UBASH3A: variants seen among roughly 807,000 people sequenced by gnomAD.
The protein encoded by UBASH3A is ubiquitin-associated and SH3 domain-containing protein A.
UBASH3A carries 63 observed loss-of-function variants against 73.5 expected under a neutral mutation model. The observed-to-expected ratio is 0.86, with a 90% CI of 0.70 to 1.06. UBASH3A has a LOEUF of 1.06. UBASH3A is among the 50% of genes least tolerant of loss of function. The pLI, the probability that UBASH3A is intolerant of heterozygous loss-of-function variation, is 0.00. For missense variants in UBASH3A, 860 were observed against 859.0 expected, an observed-to-expected ratio of 1.00 and a Z score of -0.02; for synonymous variants, 363 against 351.1, an observed-to-expected ratio of 1.03 and a Z score of -0.38.
chr21:42,443,262 A>T, intron 12 of UBASH3A, 50 bp from the exon 13 acceptor site: 1 of 1,577,530 alleles, frequency 6.3e-7, no homozygotes, highest in Admixed American at 1.8e-5. Flanking sequence ...GAGCCTTCCT[A>T]ATCCCTACGA....
intron 3 of UBASH3A, chr21:42,410,310 G>A: frequency 1.7e-6 from 1 of 605,778 alleles, no homozygotes; most frequent in Non-Finnish European, 3.0e-6. Context: ...CTTAAGGAAG[G>A]GCACACCCAC....
In UBASH3A at chr21:42,434,885, C is replaced by A. The variant is rs750218016; in HGVS notation, c.1324C>A (p.Arg442Ser). 5 of 1,614,138 alleles carry A rather than the reference C, an allele frequency of 3.1e-6. No homozygotes were observed. Residue 442 changes from arginine to serine, a missense_variant, in exon 10 of 15, where the codon CGT becomes AGT. Coordinates refer to ENST00000319294, the MANE Select transcript of UBASH3A (RefSeq NM_018961.4). ...CCCCTGCAGTCTGCCAAGACGGAGT[C>A]GTGGGATCAAAGACTTTGAAAACGA... Reference protein sequence around the residue: ...NFPCSLPRRSRGIKDFENDPP... With the variant: ...NFPCSLPRRSSGIKDFENDPP...
chr21:42,428,318 G>A (rs2053474583), intron 8 of UBASH3A, among the ~76,000 whole-genome samples: 1 of 152,170 alleles, frequency 6.6e-6, no homozygotes, highest in Non-Finnish European at 1.5e-5. Context: ...GCCTTGGCAG[G>A]TCTTTGCAGC....
intron 2 of UBASH3A, among the ~76,000 whole-genome samples, chr21:42,407,819 T>A (rs2053008470): frequency 6.6e-6 from 1 of 152,248 alleles, no homozygotes; most frequent in Admixed American, 6.5e-5. Context: ...ATTGCAGGGT[T>A]ATGAAATGGT....
At position 42,443,301 on chromosome 21, in the gene UBASH3A, C is replaced by T. The variant is rs1248277069; in HGVS notation, c.1632-11C>T. The T allele has an allele frequency of 2.5e-6, 4 of 1,609,656 alleles. No individual in the cohort carries two copies. Among genetic ancestry groups the T allele is most frequent in the South Asian group, 1.1e-5 (1 of 90,270 alleles). On this transcript the variant is annotated splice_polypyrimidine_tract_variant and intron_variant, in intron 12 of 14. Transcript: ENST00000319294. ...TGCCAGGGCAGCAGCCTCTCCTTCT[C>T]ATCCTTCCAGGCCCGCGTTTCCCCT... is the stretch of plus-strand genomic sequence containing the variant.
chr21:42,404,818 G>A (rs534852724), intron 1 of UBASH3A, among the ~76,000 whole-genome samples: 13 of 152,146 alleles, frequency 8.5e-5, no homozygotes, highest in Non-Finnish European at 1.8e-4. Context: ...GTGTGAGCGC[G>A]ACCCTGCTTA....
At chr21:42,415,730 C>T (rs956816935) in intron 5 of UBASH3A, among the ~76,000 whole-genome samples, 1 of 152,228 alleles carries the variant, frequency 6.6e-6, no homozygotes, top group Non-Finnish European at 1.5e-5. Context: ...TCAAGGTCAC[C>T]CTGCAAAAGG....
Position 42,413,245 on chromosome 21 carries a change from A to C in UBASH3A, c.553+23A>C, listed in dbSNP as rs2053138123. ...CAGGTGGGCAGCCCTGGCCAGTTGC[A>C]AACACAGGGCTGGATTCACAGTGAG... is the stretch of plus-strand genomic sequence containing the variant. On this transcript the variant is annotated intron_variant, in intron 4 of 14. Transcript: ENST00000319294. This position sits in a 1 kb window ranked among gnomAD's most constrained non-coding sequence, Gnocchi z 4.5. 1.2e-6 allele frequency: 2 copies of C among 1,613,174 alleles called. No individual in the cohort carries two copies. The highest frequency in any genetic ancestry group is 1.7e-6 in the Non-Finnish European group (2 of 1,179,188).
chr21:42,443,326 T>C lies in UBASH3A; in HGVS notation c.1646T>C (p.Leu549Pro), dbSNP rs139291581. The C allele has an allele frequency of 1.2e-6, 2 of 1,613,230 alleles. No homozygotes were observed. Among genetic ancestry groups the C allele is most frequent in the African/African-American group, 1.3e-5 (1 of 74,880 alleles). ...CATCCTTCCAGGCCCGCGTTTCCCC[T>C]GTCCGCCCTCATGCCGGCCGAGAGC... ...IDTDYRPAFP[L>P]SALMPAESYQ... Residue 549 changes from leucine to proline, a missense_variant, in exon 13 of 15, where the codon CTG becomes CCG. By Grantham distance (98) the Leu-to-Pro change is moderately conservative. Transcript: ENST00000319294.
At chr21:42,430,244 C>T (rs2146565090) in intron 8 of UBASH3A, among the ~76,000 whole-genome samples, 1 of 152,330 alleles carries the variant, frequency 6.6e-6, no homozygotes, top group Non-Finnish European at 1.5e-5. Flanking sequence ...GACTGGATCA[C>T]TGTTCACAGA....
intron 7 of UBASH3A, among the ~76,000 whole-genome samples, chr21:42,419,853 T>C (rs1250133840): frequency 6.6e-6 from 1 of 152,242 alleles, no homozygotes; most frequent in African/African-American, 2.4e-5. Context: ...CACTTGATTA[T>C]AAAATCGGCT....
At chr21:42,435,263 A>C in intron 10 of UBASH3A, 1 of 208,336 alleles carries the variant, frequency 4.8e-6, no homozygotes, top group Non-Finnish European at 9.5e-6. Context: ...CAAGGAGCTC[A>C]CTTTTCAAAT....
chr21:42,417,889 T>TC (rs2053251276), intron 6 of UBASH3A, among the ~76,000 whole-genome samples: 1 of 141,156 alleles, frequency 7.1e-6, no homozygotes, highest in African/African-American at 2.7e-5. Context: ...TTTTTTTTTT[T>TC]TTTTTTTTTT....
chr21:42,403,929 C>T lies in UBASH3A; in HGVS notation c.-17C>T, dbSNP rs1181457592. 6.8e-7 allele frequency: 1 copy of T among 1,472,180 alleles called. No homozygotes were observed. Among genetic ancestry groups the T allele is most frequent in the South Asian group, 1.3e-5 (1 of 74,104 alleles). The allele number at this position is 1,472,180 out of a possible 1,614,324, so 91.2% of individuals were successfully genotyped here. ...TTCTGTGTGCAGGCGAGCTTCTTGG[C>T]CTAAGGGCAGGAAGAGATGGCAGCG... On this transcript the variant is annotated 5_prime_UTR_variant, in exon 1 of 15. Coordinates refer to ENST00000319294, the MANE Select transcript of UBASH3A (RefSeq NM_018961.4).
intron 9 of UBASH3A, among the ~76,000 whole-genome samples, chr21:42,433,708 T>C (rs2053577508): frequency 6.6e-6 from 1 of 152,178 alleles, no homozygotes; most frequent in Non-Finnish European, 1.5e-5. Context: ...AAATGCAGTG[T>C]TCAAACAAGA....
chr21:42,441,660 G>A (rs1364394319), intron 11 of UBASH3A, among the ~76,000 whole-genome samples: 1 of 146,642 alleles, frequency 6.8e-6, no homozygotes, highest in African/African-American at 2.5e-5. Context: ...GGACTTGGAG[G>A]TCTGGTTGAT....
At chr21:42,440,108 T>C (rs2053713866) in intron 11 of UBASH3A, among the ~76,000 whole-genome samples, 1 of 152,104 alleles carries the variant, frequency 6.6e-6, no homozygotes. Flanking sequence ...GGCTGTGATC[T>C]TTGAGAGCCA....
At chr21:42,437,674 A>G (rs1293909339) in intron 11 of UBASH3A, 94 bp downstream of exon 11, 1 of 1,133,752 alleles carries the variant, frequency 8.8e-7, no homozygotes, top group South Asian at 1.3e-5. Flanking sequence ...GAATTGGATG[A>G]CTGGCAATGA....
At chr21:42,430,302 G>T (rs75990302) in intron 8 of UBASH3A, among the ~76,000 whole-genome samples, 4,834 of 152,296 alleles carry the variant, frequency 0.032, 85 homozygotes, top group Non-Finnish European at 0.04. Flanking sequence ...GGTGGAAAAT[G>T]AGTCCCTTCC....
Sources: gnomAD v4.1 joint callset for allele counts (sites outside exome capture counted in the v4.1 genomes callset) on GRCh38, gnomAD v4.1.1 for gene constraint, Gnocchi (gnomAD v3.1) non-coding constraint, MANE v1.5 for transcripts, NCBI Gene and HGNC (gene_info 2026-07-23, HGNC 2026-07-21) for gene names.